PDIA5: variants seen among roughly 807,000 people sequenced by gnomAD.
The protein encoded by PDIA5 is protein disulfide-isomerase A5.
Under a neutral mutation model 77.6 loss-of-function variants are expected in PDIA5, and 58 were observed. The observed-to-expected ratio is 0.75, with a 90% CI of 0.61 to 0.93. PDIA5 has a LOEUF of 0.93. Ranked by LOEUF, PDIA5 falls within the 40% of genes least tolerant of loss-of-function variation. The pLI is 0.00. For synonymous variants in PDIA5, 250 were observed against 252.1 expected (o/e 0.99, Z 0.08); for missense variants, 630 against 647.7 (o/e 0.97, Z 0.30).
At position 123,106,817 on chromosome 3, in the gene PDIA5, T is replaced by A; in HGVS notation, c.456T>A (p.Asp152Glu). ...GGGAGGAAGATCCTGGAGCCAAAGA[T>A]GTTGTCCACCTTGACAGTGAAAAGG... Reference protein sequence around the residue: ...PLWEEDPGAKDVVHLDSEKDF... With the variant: ...PLWEEDPGAKEVVHLDSEKDF... The change falls in exon 6 of 17, where the codon GAT becomes GAA. Residue 152 changes from aspartate to glutamate, a missense_variant. By Grantham distance (45) the Asp-to-Glu change is conservative. Transcript: ENST00000316218. The A allele has an allele frequency of 6.2e-7, 1 of 1,612,060 alleles. No homozygotes were observed. The highest frequency in any genetic ancestry group is 8.5e-7 in the Non-Finnish European group (1 of 1,179,066).
At chr3:123,085,837 T>C (rs1934124208) in intron 1 of PDIA5, among the ~76,000 whole-genome samples, 1 of 152,242 alleles carries the variant, frequency 6.6e-6, no homozygotes, top group Admixed American at 6.5e-5. Context: ...AAAACAGCAG[T>C]GAGGCAATGT....
chr3:123,135,689 A>G (rs2107971025), intron 11 of PDIA5, among the ~76,000 whole-genome samples: 1 of 150,008 alleles, frequency 6.7e-6, no homozygotes, highest in Admixed American at 6.6e-5. Context: ...GTATAGTAAA[A>G]TATAGGTGAT....
At chr3:123,093,258 GGTGTGTGTGT>G (rs3080445) in intron 3 of PDIA5, among the ~76,000 whole-genome samples, 3 of 148,458 alleles carry the variant, frequency 2.0e-5, no homozygotes, top group Admixed American at 1.3e-4. Context: ...TGCTGTAGAG[GGTGTGTGTGT>G]GTGTGTGTGT....
intron 13 of PDIA5, among the ~76,000 whole-genome samples, chr3:123,147,954 C>T (rs913249215): frequency 1.6e-4 from 24 of 152,184 alleles, no homozygotes; most frequent in Admixed American, 3.3e-4. Flanking sequence ...GCTCCAGAGT[C>T]TTGGCCACAA....
In PDIA5 at chr3:123,118,669, A is replaced by G. The variant is rs836845; in HGVS notation, c.609+2371A>G. Among the ~76,000 whole-genome samples the G allele has an allele frequency of 6.7e-3, 1,021 of 152,294 alleles. 5 individuals carry two copies. The highest frequency in any genetic ancestry group is 0.032 in the South Asian group (152 of 4,818). On this transcript the variant is annotated intron_variant, in intron 8 of 16. Coordinates refer to ENST00000316218, the MANE Select transcript of PDIA5 (RefSeq NM_006810.4). Reference sequence around the variant, plus strand: ...ATCACTTTGTTCAGCACTTGATACTAATTATGATATGTGAGTTTCTTGGGC... The same window carrying G: ...ATCACTTTGTTCAGCACTTGATACTGATTATGATATGTGAGTTTCTTGGGC...
intron 15 of PDIA5, among the ~76,000 whole-genome samples, chr3:123,157,080 C>T (rs1936037956): frequency 6.6e-6 from 1 of 152,222 alleles, no homozygotes; most frequent in South Asian, 2.1e-4. Flanking sequence ...TTCCTGGGTT[C>T]AGTCCTCCTG....
chr3:123,134,993 G>C (rs1044544982), intron 11 of PDIA5, among the ~76,000 whole-genome samples: 1 of 152,232 alleles, frequency 6.6e-6, no homozygotes, highest in Non-Finnish European at 1.5e-5. Flanking sequence ...GGTCCTCACA[G>C]TGGGGCCTCA....
chr3:123,114,738 G>A lies in PDIA5; in HGVS notation c.542-1493G>A, dbSNP rs563910177. On this transcript the variant is annotated intron_variant, in intron 7 of 16. Coordinates refer to ENST00000316218, the MANE Select transcript of PDIA5 (RefSeq NM_006810.4). ...TTCCTTCATGCCACTGATGGTGTTC[G>A]CACTGAGGTGGCAGGTCCTGAGGAG... Among the ~76,000 whole-genome samples the A allele has an allele frequency of 1.7e-4, 26 of 152,312 alleles. No homozygotes were observed. In the East Asian group the frequency reaches 4.1e-3, roughly 24 times the overall value.
chr3:123,068,630 T>C (rs1933643825), intron 1 of PDIA5, among the ~76,000 whole-genome samples: 1 of 152,208 alleles, frequency 6.6e-6, no homozygotes, highest in Admixed American at 6.5e-5. Flanking sequence ...TCCCCTCCCT[T>C]TTGTGAAAAC....
chr3:123,140,993 A>T (rs1935620505), intron 11 of PDIA5, among the ~76,000 whole-genome samples: 1 of 152,208 alleles, frequency 6.6e-6, no homozygotes, highest in Non-Finnish European at 1.5e-5. Flanking sequence ...GGAAGCTGGC[A>T]GGTGGAATGA....
In PDIA5 at chr3:123,140,665, C is replaced by T. The variant is rs576623906; in HGVS notation, c.911-4857C>T. Among the ~76,000 whole-genome samples, 8 of 152,124 alleles carry T rather than the reference C, an allele frequency of 5.3e-5. No homozygotes were observed. The East Asian group carries it at 1.5e-3, about 29-fold the overall frequency. ...GATGGCCCTGGGGGATTTGTCACTT[C>T]GTCTTCCAGAGCTACAATTTCTGGC... is the stretch of plus-strand genomic sequence containing the variant. On this transcript the variant is annotated intron_variant, in intron 11 of 16. Coordinates refer to ENST00000316218, the MANE Select transcript of PDIA5 (RefSeq NM_006810.4).
chr3:123,146,732 T>C (rs1236657547), intron 13 of PDIA5, among the ~76,000 whole-genome samples: 5 of 152,248 alleles, frequency 3.3e-5, no homozygotes, highest in Admixed American at 6.5e-5. Flanking sequence ...ATTAGTTTGC[T>C]AGTGTTGCCA....
chr3:123,097,211 G>T (rs1934466782), intron 3 of PDIA5, among the ~76,000 whole-genome samples: 1 of 152,160 alleles, frequency 6.6e-6, no homozygotes, highest in African/African-American at 2.4e-5. Flanking sequence ...TTACCAGGGG[G>T]TAAAACAGAC....
intron 11 of PDIA5, among the ~76,000 whole-genome samples, chr3:123,137,191 G>A (rs745594365): frequency 2.0e-5 from 3 of 152,198 alleles, no homozygotes; most frequent in Non-Finnish European, 2.9e-5. Context: ...TTGCAGCCAT[G>A]GATACTATCT....
At chr3:123,073,537 A>T (rs997155281) in intron 1 of PDIA5, among the ~76,000 whole-genome samples, 2 of 152,208 alleles carry the variant, frequency 1.3e-5, no homozygotes, top group African/African-American at 4.8e-5. Flanking sequence ...TTGCCACCCT[A>T]CATCAGCAGG....
chr3:123,116,181 G>A, intron 7 of PDIA5, 50 bp from the exon 8 acceptor site: 1 of 1,498,174 alleles, frequency 6.7e-7, no homozygotes, highest in Non-Finnish European at 9.3e-7. Context: ...GGGTGCAAGG[G>A]CTCAGCCATC....
intron 3 of PDIA5, among the ~76,000 whole-genome samples, chr3:123,096,893 C>T (rs836864): frequency 1 from 151,803 of 152,358 alleles, 75,628 homozygotes; most frequent in East Asian, 1. Context: ...GTCTGGGAAG[C>T]TGAGCTGGAG....
intron 8 of PDIA5, among the ~76,000 whole-genome samples, chr3:123,118,651 T>G (rs1294532315): frequency 6.6e-6 from 1 of 152,206 alleles, no homozygotes; most frequent in Admixed American, 6.5e-5. Context: ...CAGATCACTT[T>G]GTTCAGCACT....
chr3:123,132,681 T>TCA (rs1184461955), intron 11 of PDIA5, among the ~76,000 whole-genome samples: 1 of 152,150 alleles, frequency 6.6e-6, no homozygotes, highest in African/African-American at 2.4e-5. Context: ...ATACACTCCC[T>TCA]GGCCAGCCTC....
Sources: allele counts gnomAD v4.1 joint callset (sites outside exome capture counted in the v4.1 genomes callset), GRCh38; gene constraint gnomAD v4.1.1; transcripts MANE v1.5; gene names NCBI Gene and HGNC (gene_info 2026-07-23, HGNC 2026-07-21).